ZBTB7C: variants seen among roughly 807,000 people sequenced by gnomAD.
The protein encoded by ZBTB7C is zinc finger and BTB domain containing 7C.
Under a neutral mutation model 25.7 loss-of-function variants are expected in ZBTB7C, and 8 were observed. The ratio of observed to expected loss-of-function variants is 0.31; its 90% CI spans 0.18 to 0.56. The LOEUF is 0.56. ZBTB7C is among the 20% of genes least tolerant of loss of function. The pLI is 0.91. For synonymous variants in ZBTB7C, 394 were observed against 369.0 expected (o/e 1.07, Z -0.78); for missense variants, 824 against 855.2 (o/e 0.96, Z 0.46).
At position 48,319,137 on chromosome 18, in the gene ZBTB7C, T is replaced by A. The variant is rs576420006; in HGVS notation, c.-79+19037A>T. ...CTGTGTGTGTGTGTGTGTGTGTGTG[T>A]GTGTAACCTTGATTTGTAACCAAAT... On this transcript the variant is annotated intron_variant, in intron 2 of 4. Coordinates refer to ENST00000590800, the MANE Select transcript of ZBTB7C (RefSeq NM_001318841.2). Among the ~76,000 whole-genome samples, 9 of 152,190 alleles carry A rather than the reference T, an allele frequency of 5.9e-5. No homozygotes were observed. The South Asian group carries it at 1.7e-3, about 28-fold the overall frequency.
At chr18:48,287,677 C>T (rs1044700036) in intron 2 of ZBTB7C, among the ~76,000 whole-genome samples, 1 of 151,976 alleles carries the variant, frequency 6.6e-6, no homozygotes, top group Admixed American at 6.6e-5. Flanking sequence ...AATTGATAAA[C>T]CAAATACAAA....
intron 2 of ZBTB7C, among the ~76,000 whole-genome samples, chr18:48,332,131 C>T (rs1237827075): frequency 1.3e-5 from 2 of 152,222 alleles, no homozygotes; most frequent in Non-Finnish European, 2.9e-5. Flanking sequence ...CAAGACTCAT[C>T]GATTGCATTT....
intron 3 of ZBTB7C, among the ~76,000 whole-genome samples, chr18:48,071,065 G>C (rs1174405243): frequency 6.6e-6 from 1 of 152,200 alleles, no homozygotes; most frequent in Non-Finnish European, 1.5e-5. Context: ...ACAATGCCTA[G>C]TACATAGTAG....
chr18:48,083,766 GT>G, intron 3 of ZBTB7C: 9 of 920,174 alleles, frequency 9.8e-6, no homozygotes, highest in Non-Finnish European at 1.2e-5. Flanking sequence ...ACTGTAAATG[GT>G]GGCTGGGTAA....
chr18:48,410,905 A>G (rs919774969), upstream of ZBTB7C, among the ~76,000 whole-genome samples: 1 of 152,206 alleles, frequency 6.6e-6, no homozygotes, highest in Non-Finnish European at 1.5e-5. Context: ...CCTAGTGCCC[A>G]TTCTGGCTAC....
At chr18:48,350,466 G>C (rs556187297) in intron 1 of ZBTB7C, 65 of 152,308 alleles carry the variant, frequency 4.3e-4, no homozygotes, top group African/African-American at 1.3e-3. Context: ...GGATAAACCA[G>C]GATAATTTCC....
At chr18:48,304,468 A>T (rs778336437) in intron 2 of ZBTB7C, among the ~76,000 whole-genome samples, 12 of 152,168 alleles carry the variant, frequency 7.9e-5, no homozygotes, top group Non-Finnish European at 1.6e-4. Context: ...TGTGGTCAGG[A>T]GTTCGAGACC....
At chr18:48,371,404 C>T (rs1352515) in intron 1 of ZBTB7C, among the ~76,000 whole-genome samples, 38,822 of 152,136 alleles carry the variant, frequency 0.26, 5,324 homozygotes, top group Non-Finnish European at 0.3. Context: ...CCTATGCCCA[C>T]CCAACTTACA....
chr18:48,161,926 C>A (rs1248551639), intron 3 of ZBTB7C, among the ~76,000 whole-genome samples: 2 of 149,760 alleles, frequency 1.3e-5, no homozygotes, highest in African/African-American at 4.9e-5. Context: ...TCGACCTCCC[C>A]ACCCGCCCGC....
chr18:48,337,356 C>T (rs1356548692), intron 2 of ZBTB7C, among the ~76,000 whole-genome samples: 1 of 152,236 alleles, frequency 6.6e-6, no homozygotes, highest in African/African-American at 2.4e-5. Context: ...TCATATGACG[C>T]ACACAGCAAA....
At chr18:48,396,291 G>A (rs2048027625) in intron 1 of ZBTB7C, among the ~76,000 whole-genome samples, 1 of 152,176 alleles carries the variant, frequency 6.6e-6, no homozygotes, top group African/African-American at 2.4e-5. Flanking sequence ...CAGATTAGGA[G>A]ATGATTTGCA....
In ZBTB7C at chr18:48,098,746, C is replaced by T. The variant is rs559283856; in HGVS notation, c.-16-57623G>A. ...TTACAGGGATTGGCTCAGGGATGGACATGTGACATAGGACAGCCAATCAGG... is the reference window on the plus strand; with the variant it reads ...TTACAGGGATTGGCTCAGGGATGGATATGTGACATAGGACAGCCAATCAGG... On this transcript the variant is annotated intron_variant, in intron 3 of 4. Transcript: ENST00000590800. Among the ~76,000 whole-genome samples the T allele has an allele frequency of 5.3e-5, 8 of 152,330 alleles. No individual in the cohort carries two copies. The East Asian group carries it at 1.5e-3, about 29-fold the overall frequency.
chr18:48,321,108 T>C (rs914750096), intron 2 of ZBTB7C, among the ~76,000 whole-genome samples: 1 of 152,260 alleles, frequency 6.6e-6, no homozygotes. Context: ...ACTGTTATAA[T>C]AGGTCTGGCA....
chr18:48,340,578 C>T (rs946016386), intron 1 of ZBTB7C, among the ~76,000 whole-genome samples: 2 of 152,200 alleles, frequency 1.3e-5, no homozygotes. Context: ...CACCATCCCA[C>T]CCCGACTGGC....
At chr18:48,110,314 G>C (rs1232861982) in intron 3 of ZBTB7C, among the ~76,000 whole-genome samples, 1 of 142,652 alleles carries the variant, frequency 7.0e-6, no homozygotes, top group Non-Finnish European at 1.5e-5. Context: ...TCCATACTCT[G>C]GCCCTGCCCT....
chr18:48,076,254 A>C (rs193159605), intron 3 of ZBTB7C, among the ~76,000 whole-genome samples: 169 of 152,304 alleles, frequency 1.1e-3, no homozygotes, highest in African/African-American at 3.9e-3. Context: ...GGAGGCAGCT[A>C]ATCAGTCTCT....
At chr18:48,261,714 C>T (rs775721661) in intron 2 of ZBTB7C, among the ~76,000 whole-genome samples, 16 of 152,200 alleles carry the variant, frequency 1.1e-4, no homozygotes, top group Admixed American at 3.3e-4. Context: ...CTCTCACTGT[C>T]GCTGCTTCTT....
intron 1 of ZBTB7C, among the ~76,000 whole-genome samples, chr18:48,352,501 G>A (rs774495430): frequency 1.6e-4 from 24 of 152,194 alleles, no homozygotes; most frequent in Non-Finnish European, 2.8e-4. Flanking sequence ...ATCCCCAAGA[G>A]GAGGCACAGT....
chr18:48,360,809 A>T (rs4335832), intron 1 of ZBTB7C, among the ~76,000 whole-genome samples: 4 of 151,962 alleles, frequency 2.6e-5, no homozygotes, highest in African/African-American at 4.8e-5. Context: ...GACCCCAGGT[A>T]GATAAGATGC....
Sources: gnomAD v4.1 joint callset for allele counts (sites outside exome capture counted in the v4.1 genomes callset) on GRCh38, gnomAD v4.1.1 for gene constraint, MANE v1.5 for transcripts, NCBI Gene and HGNC (gene_info 2026-07-23, HGNC 2026-07-21) for gene names.